Variants in TENM3 observed in about 807,000 individuals in gnomAD.
TENM3 encodes the protein teneurin transmembrane protein 3, also known as teneurin-3.
Under a neutral mutation model 255.1 loss-of-function variants are expected in TENM3, and 63 were observed. That is an observed-to-expected ratio of 0.25 (90% CI 0.20 to 0.30). TENM3 has a LOEUF of 0.30. Ranked by LOEUF, TENM3 falls within the 10% of genes least tolerant of loss-of-function variation. The pLI is 1.00. For missense variants in TENM3, 2,929 were observed against 3,461.1 expected (o/e 0.85, Z 3.86); for synonymous variants, 1,306 against 1,322.3 (o/e 0.99, Z 0.27).
the TENM3 span, among the ~76,000 whole-genome samples, chr4:181,914,830 C>T: frequency 6.6e-6 from 1 of 152,130 alleles, no homozygotes; most frequent in African/African-American, 2.4e-5. Flanking sequence ...AACCAGGAGA[C>T]CGTGGACAGG....
At chr4:181,824,482 G>A in the TENM3 span, among the ~76,000 whole-genome samples, 1 of 151,994 alleles carries the variant, frequency 6.6e-6, no homozygotes, top group African/African-American at 2.4e-5. Flanking sequence ...ACATTTTTTG[G>A]TAGTGATATA....
the TENM3 span, among the ~76,000 whole-genome samples, chr4:181,534,071 A>T: frequency 2.0e-4 from 31 of 152,296 alleles, no homozygotes; most frequent in Non-Finnish European, 4.1e-4. Flanking sequence ...AAACAAAATT[A>T]TAGACACAAA....
chr4:182,648,398 C>T (rs1206316580), intron 5 of TENM3, among the ~76,000 whole-genome samples: 8 of 151,980 alleles, frequency 5.3e-5, no homozygotes, highest in Non-Finnish European at 1.2e-4. Flanking sequence ...ATTCTCCTGC[C>T]TCAGCCTCCC....
In TENM3 at chr4:182,330,619, A is replaced by G. The variant is rs1028397281; in HGVS notation, c.232+6367A>G. Among the ~76,000 whole-genome samples, 11 of 152,372 alleles carry G rather than the reference A, an allele frequency of 7.2e-5. No homozygotes were observed. The South Asian group carries it at 2.1e-3, about 29-fold the overall frequency. On this transcript the variant is annotated intron_variant, in intron 2 of 27. Coordinates refer to ENST00000511685, the MANE Select transcript of TENM3 (RefSeq NM_001080477.4). ...TAGCATTTATCTCTCAGAGTAAATG[A>G]AAGATACTTAGGTAATGCTGGGATT...
At chr4:181,621,751 C>T in the TENM3 span, among the ~76,000 whole-genome samples, 1 of 152,106 alleles carries the variant, frequency 6.6e-6, no homozygotes, top group Non-Finnish European at 1.5e-5. Flanking sequence ...GGGAAAAGAT[C>T]CAACCACAGG....
intron 3 of TENM3, among the ~76,000 whole-genome samples, chr4:182,432,849 G>GGGGTGTGTGTGTGTGTGT (rs747628733): frequency 4.9e-5 from 7 of 143,080 alleles, no homozygotes; most frequent in South Asian, 2.5e-4. Flanking sequence ...AATGGATTTG[G>GGGGTGTGTGTGTGTGTGT]GTGTGTGTGT....
chr4:181,644,815 T>C, the TENM3 span, among the ~76,000 whole-genome samples: 2 of 152,116 alleles, frequency 1.3e-5, 1 homozygote, highest in South Asian at 4.1e-4. Flanking sequence ...ACCTCCTCTC[T>C]GATTTTAAGA....
At chr4:181,810,751 C>T in the TENM3 span, among the ~76,000 whole-genome samples, 20 of 151,890 alleles carry the variant, frequency 1.3e-4, no homozygotes, top group East Asian at 5.9e-4. Flanking sequence ...GAAGAAGGGA[C>T]GTTACTTCCT....
At chr4:182,772,947 T>C (rs1160451421) in intron 22 of TENM3, among the ~76,000 whole-genome samples, 3 of 152,196 alleles carry the variant, frequency 2.0e-5, no homozygotes, top group Non-Finnish European at 4.4e-5. Context: ...CACTGAGAAA[T>C]AAGAAAGTCT....
At chr4:182,682,674 A>G (rs1756268045) in intron 11 of TENM3, among the ~76,000 whole-genome samples, 1 of 152,172 alleles carries the variant, frequency 6.6e-6, no homozygotes, top group Admixed American at 6.5e-5. Flanking sequence ...GACCTAGTAT[A>G]AGTATACATG....
At chr4:182,333,617 A>G (rs1763918703) in intron 2 of TENM3, among the ~76,000 whole-genome samples, 1 of 152,226 alleles carries the variant, frequency 6.6e-6, no homozygotes, top group African/African-American at 2.4e-5. Flanking sequence ...GACACTAAAC[A>G]GCATTCTAAA....
chr4:182,169,319 T>A, intron 1 of TENM3: 1 of 479,458 alleles, frequency 2.1e-6, no homozygotes, highest in Non-Finnish European at 4.4e-6. Flanking sequence ...TACCATTAGT[T>A]TTGAATGTTT....
At chr4:182,675,436 G>A (rs1013590674) in intron 7 of TENM3, among the ~76,000 whole-genome samples, 5 of 151,928 alleles carry the variant, frequency 3.3e-5, no homozygotes, top group African/African-American at 2.4e-5. Context: ...AGCTACTCAG[G>A]AGGCTGAGGC....
chr4:181,567,932 A>G, the TENM3 span, among the ~76,000 whole-genome samples: 16 of 152,300 alleles, frequency 1.1e-4, 1 homozygote, highest in South Asian at 2.7e-3. Flanking sequence ...CAAAGCCCAT[A>G]GCACCTTTGG....
rs1744537887 is a variant in TENM3 at position 182,572,884 on chromosome 4, C to T, written c.512-28040C>T. 2.6e-5 allele frequency among the ~76,000 whole-genome samples: 4 copies of T among 152,194 alleles called. No homozygotes were observed. The Middle Eastern group carries it at 0.014, about 518-fold the overall frequency. On this transcript the variant is annotated intron_variant, in intron 3 of 27. Transcript: ENST00000511685. ...AAAGATTAATGATACCTGTTAAGGT[C>T]ACAGACTCAGGCTGGCAGTGGCAGT...
At chr4:181,839,339 T>C in the TENM3 span, among the ~76,000 whole-genome samples, 1 of 129,940 alleles carries the variant, frequency 7.7e-6, no homozygotes. Context: ...CATATATGTA[T>C]TGAGGGTATA....
intron 5 of TENM3, among the ~76,000 whole-genome samples, chr4:182,652,980 CAG>C (rs1182715158): frequency 2.0e-5 from 3 of 152,104 alleles, no homozygotes; most frequent in Admixed American, 2.0e-4. Flanking sequence ...AAATAATACA[CAG>C]GGTATTCACA....
intron 3 of TENM3, among the ~76,000 whole-genome samples, chr4:182,558,206 T>G (rs1742770027): frequency 6.6e-6 from 1 of 152,186 alleles, no homozygotes; most frequent in Non-Finnish European, 1.5e-5. Context: ...GCGAAAACGC[T>G]TGGAAAACAA....
At position 182,460,940 on chromosome 4, in the gene TENM3, C is replaced by T. The variant is rs1009347415; in HGVS notation, c.511+114011C>T. Among the ~76,000 whole-genome samples, 6 of 152,082 alleles carry T rather than the reference C, an allele frequency of 3.9e-5. No homozygotes were observed. In the South Asian group the frequency reaches 8.3e-4, roughly 21 times the overall value. ...TTCATAAATTTAAAAAGGGAATTTA[C>T]GCAGCATTTGTTGAAAACCTACTAT... On this transcript the variant is annotated intron_variant, in intron 3 of 27. Coordinates refer to ENST00000511685, the MANE Select transcript of TENM3 (RefSeq NM_001080477.4).
Sources: gnomAD v4.1 joint callset for allele counts (sites outside exome capture counted in the v4.1 genomes callset) on GRCh38, gnomAD v4.1.1 for gene constraint, MANE v1.5 for transcripts, NCBI Gene and HGNC (gene_info 2026-07-23, HGNC 2026-07-21) for gene names.